PDGFD: variants seen among roughly 807,000 people sequenced by gnomAD.
PDGFD encodes the protein platelet derived growth factor D.
In PDGFD, 30 loss-of-function variants were observed where a neutral mutation model predicts 44.7. That is an observed-to-expected ratio of 0.67 (90% CI 0.50 to 0.91). The LOEUF (loss-of-function observed/expected upper bound fraction) is 0.91, where lower values mean the gene tolerates loss of function less well. Among genes scored for constraint, PDGFD ranks in the 40% least tolerant of loss-of-function variants. PDGFD has a pLI of 0.00. For synonymous variants in PDGFD, 173 were observed against 168.4 expected (o/e 1.03, Z -0.21); for missense variants, 445 against 457.8 (o/e 0.97, Z 0.25).
intron 1 of PDGFD, among the ~76,000 whole-genome samples, chr11:104,043,172 G>A (rs1032602509): frequency 6.6e-6 from 1 of 152,104 alleles, no homozygotes; most frequent in Non-Finnish European, 1.5e-5. Flanking sequence ...TGGAGTAGAG[G>A]GAATGGTTCC....
intron 3 of PDGFD, among the ~76,000 whole-genome samples, chr11:103,981,469 C>A (rs1428109168): frequency 6.6e-6 from 1 of 151,684 alleles, no homozygotes; most frequent in Non-Finnish European, 1.5e-5. Flanking sequence ...ATAATAACAG[C>A]TGTATCTGTT....
chr11:104,149,441 G>A (rs1411983419), intron 1 of PDGFD, among the ~76,000 whole-genome samples: 1 of 152,142 alleles, frequency 6.6e-6, no homozygotes, highest in Admixed American at 6.5e-5. Flanking sequence ...ATAAAAACAA[G>A]TGAGATAATT....
Position 103,931,753 on chromosome 11 carries a change from T to G in PDGFD, c.773-4627A>C, listed in dbSNP as rs143728114. Among the ~76,000 whole-genome samples the G allele has an allele frequency of 2.5e-3, 386 of 152,218 alleles. 1 individual carries two copies. The highest frequency in any genetic ancestry group is 8.6e-3 in the African/African-American group (357 of 41,524). ...AGGTGTGTGCCACATGCCCAGCTAA[T>G]TTTTGTATTTTCATTAGAGATAGAG... is the stretch of plus-strand genomic sequence containing the variant. On this transcript the variant is annotated intron_variant, in intron 5 of 6. Coordinates refer to ENST00000393158, the MANE Select transcript of PDGFD (RefSeq NM_025208.5).
At chr11:103,911,047 G>A (rs1253803692) in intron 6 of PDGFD, among the ~76,000 whole-genome samples, 2 of 152,162 alleles carry the variant, frequency 1.3e-5, no homozygotes, top group Non-Finnish European at 2.9e-5. Context: ...CCTCCTTTTT[G>A]GGCAGGTCAT....
At position 104,118,716 on chromosome 11, in the gene PDGFD, A is replaced by T. The variant is rs951773125; in HGVS notation, c.124+45088T>A. Among the ~76,000 whole-genome samples, 23 of 81,622 alleles carry T rather than the reference A, an allele frequency of 2.8e-4. 2 individuals are homozygous for T. Among genetic ancestry groups the T allele is most frequent in the Non-Finnish European group, 1.2e-4 (5 of 41,032 alleles). The allele number at this position is 81,622 out of a possible 152,430, so 53.5% of individuals were successfully genotyped here. On this transcript the variant is annotated intron_variant, in intron 1 of 6. Coordinates refer to ENST00000393158, the MANE Select transcript of PDGFD (RefSeq NM_025208.5). ...TCACCATCTCCTTAATTTATATATTATTATGTTATTAATATATTAATATAT... is the reference window on the plus strand; with the variant it reads ...TCACCATCTCCTTAATTTATATATTTTTATGTTATTAATATATTAATATAT...
intron 1 of PDGFD, among the ~76,000 whole-genome samples, chr11:104,017,550 T>C (rs915351955): frequency 9.2e-5 from 14 of 152,170 alleles, no homozygotes; most frequent in African/African-American, 3.1e-4. Context: ...CCATCTCCAT[T>C]ACAGAAAATA....
At chr11:104,022,656 T>C (rs963448192) in intron 1 of PDGFD, among the ~76,000 whole-genome samples, 1 of 152,002 alleles carries the variant, frequency 6.6e-6, no homozygotes, top group Admixed American at 6.6e-5. Context: ...AAGCCAAAAT[T>C]TAGTATATAT....
intron 1 of PDGFD, among the ~76,000 whole-genome samples, chr11:104,121,514 T>C (rs1057152247): frequency 6.6e-6 from 1 of 152,060 alleles, no homozygotes; most frequent in Non-Finnish European, 1.5e-5. Flanking sequence ...TTCAACGTAC[T>C]ATAGTCCAAC....
intron 1 of PDGFD, among the ~76,000 whole-genome samples, chr11:104,099,814 T>C (rs779748085): frequency 6.6e-6 from 1 of 152,040 alleles, no homozygotes; most frequent in African/African-American, 2.4e-5. Context: ...TTTGCAATTC[T>C]AGTATTTAAT....
intron 1 of PDGFD, among the ~76,000 whole-genome samples, chr11:104,095,571 A>C (rs1861272674): frequency 6.6e-6 from 1 of 151,234 alleles, no homozygotes; most frequent in African/African-American, 2.4e-5. Context: ...AGAGACAAAA[A>C]AATGGTAAAA....
chr11:103,930,943 T>C (rs1858391341), intron 5 of PDGFD, among the ~76,000 whole-genome samples: 1 of 152,192 alleles, frequency 6.6e-6, no homozygotes, highest in South Asian at 2.1e-4. Context: ...GAGTGGACTT[T>C]GGCCAATGCA....
chr11:104,035,761 C>A (rs1860221326), intron 1 of PDGFD, among the ~76,000 whole-genome samples: 1 of 152,060 alleles, frequency 6.6e-6, no homozygotes, highest in Non-Finnish European at 1.5e-5. Context: ...ACAGCCCTTG[C>A]CATAAATTCC....
intron 1 of PDGFD, among the ~76,000 whole-genome samples, chr11:104,108,041 T>C (rs779341153): frequency 6.6e-5 from 10 of 152,104 alleles, no homozygotes; most frequent in Non-Finnish European, 1.2e-4. Flanking sequence ...TTGCAGATGA[T>C]TGCAAGTTTG....
At chr11:103,909,931 C>G in intron 6 of PDGFD, 112 bp from the exon 7 acceptor site, 2 of 1,307,720 alleles carry the variant, frequency 1.5e-6, no homozygotes, top group Non-Finnish European at 1.1e-6. Flanking sequence ...GAGAACCCAA[C>G]AGAAGCTATG....
rs964158693 is a variant in PDGFD at position 103,908,253 on chromosome 11, A to G, written c.*1441T>C. ...AAGCCTCTTGCTTTGGAGGATGATG[A>G]ATCATTTCCTACTCCTGGAGTTAGT... On this transcript the variant is annotated 3_prime_UTR_variant, in exon 7 of 7. Transcript: ENST00000393158. 2.0e-5 allele frequency: 3 copies of G among 152,220 alleles called. No homozygotes were observed. The highest frequency in any genetic ancestry group is 7.2e-5 in the African/African-American group (3 of 41,452). The allele number at this position is 152,220 out of a possible 1,614,324, so 9.4% of individuals were successfully genotyped here.
intron 2 of PDGFD, 54 bp downstream of exon 2, chr11:103,999,997 C>T: frequency 6.9e-7 from 1 of 1,459,216 alleles, no homozygotes; most frequent in Non-Finnish European, 9.6e-7. Flanking sequence ...TTAAATTCAT[C>T]TTTTTCTTTT....
rs1047908280 is a variant in PDGFD, at chr11:103,907,682, A to G, written c.*2012T>C. 1 of 152,180 alleles carries G rather than the reference A, an allele frequency of 6.6e-6. No individual in the cohort carries two copies. The highest frequency in any genetic ancestry group is 1.5e-5 in the Non-Finnish European group (1 of 68,032). The allele number at this position is 152,180 out of a possible 1,614,324, so 9.4% of individuals were successfully genotyped here. A position where few individuals can be genotyped will look rare whatever the true frequency, so the allele number is the denominator to read the frequency against. ...TGGGTAGAACACTCTCATTTTTTAT[A>G]TTTACAGCTACATTGTGAGCTGTTC... On this transcript the variant is annotated 3_prime_UTR_variant, in exon 7 of 7. Coordinates refer to ENST00000393158, the MANE Select transcript of PDGFD (RefSeq NM_025208.5).
chr11:104,061,058 A>G (rs1215572424), intron 1 of PDGFD, among the ~76,000 whole-genome samples: 1 of 152,150 alleles, frequency 6.6e-6, no homozygotes, highest in Non-Finnish European at 1.5e-5. Flanking sequence ...TCCGTCTATG[A>G]ATTTGCATGG....
chr11:104,017,380 T>C (rs1417180229), intron 1 of PDGFD, among the ~76,000 whole-genome samples: 2 of 152,120 alleles, frequency 1.3e-5, no homozygotes, highest in African/African-American at 2.4e-5. Context: ...TTATCCAGTA[T>C]ATGCAAACAA....
Sources: allele counts gnomAD v4.1 joint callset (sites outside exome capture counted in the v4.1 genomes callset), GRCh38; gene constraint gnomAD v4.1.1; transcripts MANE v1.5; gene names NCBI Gene and HGNC (gene_info 2026-07-23, HGNC 2026-07-21).